RANBP2: variants seen among roughly 807,000 people sequenced by gnomAD.
RANBP2 encodes the protein RAN binding protein 2, also known as E3 SUMO-protein ligase RanBP2.
In RANBP2, 57 loss-of-function variants were observed where a neutral mutation model predicts 303.6. The ratio of observed to expected loss-of-function variants is 0.19; its 90% CI spans 0.15 to 0.23. The LOEUF (loss-of-function observed/expected upper bound fraction) is 0.23, where lower values mean the gene tolerates loss of function less well. Among genes scored for constraint, RANBP2 ranks in the 10% least tolerant of loss-of-function variants. The pLI is 1.00. For synonymous variants in RANBP2, 1,167 were observed against 1,301.5 expected, an observed-to-expected ratio of 0.90 and a Z score of 2.23; for missense variants, 3,138 against 3,780.8, an observed-to-expected ratio of 0.83 and a Z score of 4.46.
At chr2:109,179,702 G>C in the RANBP2 span, among the ~76,000 whole-genome samples, 1 of 152,066 alleles carries the variant, frequency 6.6e-6, no homozygotes, top group Non-Finnish European at 1.5e-5. Context: ...CCCATCATGG[G>C]GGCCCTACCC....
the RANBP2 span, among the ~76,000 whole-genome samples, chr2:109,558,709 G>A: frequency 1.3e-5 from 2 of 151,814 alleles, no homozygotes; most frequent in East Asian, 3.9e-4. Flanking sequence ...AAAAACAAAC[G>A]GAAGTTCTGG....
the RANBP2 span, among the ~76,000 whole-genome samples, chr2:108,969,392 G>A: frequency 1.6e-4 from 25 of 152,076 alleles, no homozygotes; most frequent in African/African-American, 5.3e-4. Flanking sequence ...TTGTATCTCC[G>A]GTGAGAGGAG....
the RANBP2 span, among the ~76,000 whole-genome samples, chr2:109,607,260 C>CA: frequency 2.0e-5 from 3 of 152,248 alleles, no homozygotes; most frequent in African/African-American, 7.2e-5. Flanking sequence ...AACAATATTA[C>CA]AAACAGCTAA....
At chr2:109,449,282 G>T in the RANBP2 span, 1 of 1,610,276 alleles carries the variant, frequency 6.2e-7, no homozygotes, top group Non-Finnish European at 8.5e-7. Flanking sequence ...CCCACTCGGT[G>T]GTGTCCCCGC....
the RANBP2 span, chr2:109,436,743 G>A: frequency 3.2e-6 from 4 of 1,256,870 alleles, no homozygotes; most frequent in Middle Eastern, 5.3e-4. Context: ...CTTCTGCCCA[G>A]TGACGGGCAT....
the RANBP2 span, among the ~76,000 whole-genome samples, chr2:109,145,900 G>A: frequency 1.3e-5 from 2 of 152,152 alleles, no homozygotes; most frequent in Non-Finnish European, 2.9e-5. Context: ...ATGGGTGTGC[G>A]TGGAGCCCTG....
chr2:109,748,910 AGAC>A, the RANBP2 span, among the ~76,000 whole-genome samples: 2 of 46,772 alleles, frequency 4.3e-5, no homozygotes, highest in Non-Finnish European at 1.3e-4. Context: ...AAATAAATAA[AGAC>A]TAGCTTAAAA....
At chr2:109,638,654 G>T in the RANBP2 span, among the ~76,000 whole-genome samples, 1 of 152,164 alleles carries the variant, frequency 6.6e-6, no homozygotes. Context: ...TTTCCAAAGA[G>T]TAGGTTTGCA....
chr2:109,074,480 A>G, the RANBP2 span, among the ~76,000 whole-genome samples: 1 of 150,916 alleles, frequency 6.6e-6, no homozygotes, highest in Admixed American at 6.6e-5. Context: ...CAGGTAGATC[A>G]CTTGAGACCA....
chr2:109,054,904 T>C, the RANBP2 span, among the ~76,000 whole-genome samples: 1,861 of 152,204 alleles, frequency 0.012, 41 homozygotes, highest in African/African-American at 0.042. Flanking sequence ...GGCAATAGGG[T>C]CTCTCGAGGT....
the RANBP2 span, among the ~76,000 whole-genome samples, chr2:109,064,478 C>CA: frequency 7.2e-5 from 6 of 83,726 alleles, no homozygotes; most frequent in Non-Finnish European, 1.3e-4. Flanking sequence ...AAAACAAAAA[C>CA]AAACTGGTAA....
intron 12 of RANBP2, 140 bp from the exon 13 acceptor site, chr2:108,752,858 T>C (rs1378991503): frequency 2.6e-6 from 4 of 1,547,922 alleles, no homozygotes; most frequent in African/African-American, 2.8e-5. Context: ...ATTACAGTAT[T>C]TGGAAGTTGA....
At chr2:108,987,088 A>C in the RANBP2 span, among the ~76,000 whole-genome samples, 5 of 152,214 alleles carry the variant, frequency 3.3e-5, no homozygotes, top group Admixed American at 3.3e-4. Context: ...TGAGGGGCTG[A>C]GCCACTTAAG....
the RANBP2 span, among the ~76,000 whole-genome samples, chr2:109,604,421 AAAAG>A: frequency 4.1e-5 from 5 of 122,272 alleles, no homozygotes; most frequent in Middle Eastern, 5.1e-3. Flanking sequence ...AAAGAAAGAA[AAAAG>A]AAAGAAAGAA....
chr2:109,323,865 T>A, the RANBP2 span, among the ~76,000 whole-genome samples: 1 of 152,350 alleles, frequency 6.6e-6, no homozygotes, highest in South Asian at 2.1e-4. Flanking sequence ...TAAAAGTAAT[T>A]TGTAGTATAG....
At chr2:108,875,285 A>G in the RANBP2 span, among the ~76,000 whole-genome samples, 6 of 150,752 alleles carry the variant, frequency 4.0e-5, no homozygotes, top group Admixed American at 3.3e-4. Flanking sequence ...TAACCTGCAC[A>G]ATGTGCACAT....
the RANBP2 span, among the ~76,000 whole-genome samples, chr2:109,210,391 C>T: frequency 0.11 from 16,404 of 152,210 alleles, 1,545 homozygotes; most frequent in East Asian, 0.33. Flanking sequence ...TGGTCTTTTC[C>T]GTGCTCCCTC....
At chr2:109,592,052 T>C in the RANBP2 span, among the ~76,000 whole-genome samples, 1 of 152,290 alleles carries the variant, frequency 6.6e-6, no homozygotes, top group African/African-American at 2.4e-5. Flanking sequence ...CACAGACCCT[T>C]AGAAGCATAA....
the RANBP2 span, among the ~76,000 whole-genome samples, chr2:109,630,272 C>T: frequency 5.9e-5 from 9 of 152,284 alleles, no homozygotes; most frequent in East Asian, 1.5e-3. Flanking sequence ...TAAGAAATAA[C>T]AGGCTCAGGT....
Sources: gnomAD v4.1 joint callset for allele counts (sites outside exome capture counted in the v4.1 genomes callset) on GRCh38, gnomAD v4.1.1 for gene constraint, MANE v1.5 for transcripts, NCBI Gene and HGNC (gene_info 2026-07-23, HGNC 2026-07-21) for gene names.